The following IL7 variants were observed in gnomAD, a reference collection of about 807,000 sequenced individuals.
IL7 encodes the protein interleukin-7.
IL7 carries 3 observed loss-of-function variants against 21.6 expected under a neutral mutation model. The observed-to-expected ratio is 0.14, with a 90% CI of 0.06 to 0.36. IL7 has a LOEUF of 0.36. Ranked by LOEUF, IL7 falls within the 10% of genes least tolerant of loss-of-function variation. The pLI is 1.00. For synonymous variants in IL7, 62 were observed against 68.1 expected, an observed-to-expected ratio of 0.91 and a Z score of 0.44; for missense variants, 175 against 200.2, an observed-to-expected ratio of 0.87 and a Z score of 0.76.
At chr8:78,690,141 T>C (rs1445105898) in intron 3 of IL7, among the ~76,000 whole-genome samples, 1 of 152,208 alleles carries the variant, frequency 6.6e-6, no homozygotes, top group East Asian at 1.9e-4. Flanking sequence ...GGACATGCTG[T>C]TCTGTTCCAT....
At chr8:78,787,216 C>T (rs1813541963) in intron 2 of IL7, among the ~76,000 whole-genome samples, 1 of 152,090 alleles carries the variant, frequency 6.6e-6, no homozygotes, top group Admixed American at 6.6e-5. Context: ...GCCAGTTGGT[C>T]AGAAGCACAG....
chr8:78,696,224 CG>C (rs1810408330), intron 3 of IL7, among the ~76,000 whole-genome samples: 1 of 152,090 alleles, frequency 6.6e-6, no homozygotes, highest in African/African-American at 2.4e-5. Context: ...TTAGTAGAGA[CG>C]GGGTTTCACT....
At chr8:78,785,139 T>C (rs1277529264) in intron 2 of IL7, among the ~76,000 whole-genome samples, 5 of 152,110 alleles carry the variant, frequency 3.3e-5, no homozygotes, top group Non-Finnish European at 5.9e-5. Context: ...TGAAATTCAG[T>C]CACTTTTCCA....
At chr8:78,683,496 T>G (rs1239899518) in intron 4 of IL7, among the ~76,000 whole-genome samples, 2 of 152,166 alleles carry the variant, frequency 1.3e-5, no homozygotes, top group African/African-American at 2.4e-5. Context: ...CTTTTAGCCA[T>G]GCCTGGAGCA....
chr8:78,787,109 T>A (rs568365986), intron 2 of IL7, among the ~76,000 whole-genome samples: 1 of 152,196 alleles, frequency 6.6e-6, no homozygotes, highest in Admixed American at 6.5e-5. Flanking sequence ...ATATCCTTTA[T>A]AAGAAATGAT....
chr8:78,794,889 C>T (rs1813804584), intron 2 of IL7, among the ~76,000 whole-genome samples: 1 of 152,080 alleles, frequency 6.6e-6, no homozygotes, highest in Non-Finnish European at 1.5e-5. Context: ...ATCATTCTAT[C>T]CACACCCAAA....
At chr8:78,719,408 T>C (rs1807067592) in intron 5 of IL7, 1 of 151,678 alleles carries the variant, frequency 6.6e-6, no homozygotes, top group Non-Finnish European at 1.5e-5. Flanking sequence ...TTATAAACAG[T>C]AGGTGAAATA....
intron 2 of IL7, among the ~76,000 whole-genome samples, chr8:78,750,043 T>A (rs1210810194): frequency 6.6e-6 from 1 of 151,458 alleles, no homozygotes; most frequent in Non-Finnish European, 1.5e-5. Flanking sequence ...AAAAAAAAAA[T>A]ACTAATTTCT....
At chr8:78,748,036 A>C (rs1812042921) in intron 2 of IL7, among the ~76,000 whole-genome samples, 1 of 152,226 alleles carries the variant, frequency 6.6e-6, no homozygotes, top group Non-Finnish European at 1.5e-5. Flanking sequence ...GTATGTGGCT[A>C]GAAAGAAGAG....
intron 2 of IL7, among the ~76,000 whole-genome samples, chr8:78,791,565 G>T (rs979746653): frequency 2.0e-5 from 3 of 152,268 alleles, no homozygotes; most frequent in East Asian, 1.9e-4. Flanking sequence ...GCTTGAACCT[G>T]GGAGGTGGAG....
In IL7 at chr8:78,805,364, GTAAAAGACTTC is replaced by G. The variant is rs1177538788; in HGVS notation, c.-453_-443del. ...CTGGCCTGAATCAAAGCAATTCTGGGTAAAAGACTTCCCAGATGATCTCTCAACGCCTTGGC... is the reference window on the plus strand; with the variant it reads ...CTGGCCTGAATCAAAGCAATTCTGGGCCAGATGATCTCTCAACGCCTTGGC... On this transcript the variant is annotated 5_prime_UTR_variant, in exon 1 of 6. Coordinates refer to ENST00000263851, the MANE Select transcript of IL7 (RefSeq NM_000880.4). 2 of 157,230 alleles carry G rather than the reference GTAAAAGACTTC, an allele frequency of 1.3e-5. No homozygotes were observed. Among genetic ancestry groups the G allele is most frequent in the African/African-American group, 4.8e-5 (2 of 41,604 alleles). The allele number at this position is 157,230 out of a possible 1,614,324, so 9.7% of individuals were successfully genotyped here.
chr8:78,767,937 C>T (rs1425506950), intron 2 of IL7, among the ~76,000 whole-genome samples: 5 of 151,850 alleles, frequency 3.3e-5, no homozygotes, highest in Admixed American at 1.3e-4. Context: ...CACCTCACAA[C>T]AGTCCCCAGA....
At chr8:78,722,235 T>C (rs1294326109) in intron 3 of IL7, among the ~76,000 whole-genome samples, 1 of 151,976 alleles carries the variant, frequency 6.6e-6, no homozygotes, top group Non-Finnish European at 1.5e-5. Context: ...ACTGCCGCCT[T>C]TTACGTTGTT....
chr8:78,795,034 C>A (rs1277495837), intron 2 of IL7, among the ~76,000 whole-genome samples: 1 of 152,000 alleles, frequency 6.6e-6, no homozygotes, highest in African/African-American at 2.4e-5. Flanking sequence ...AGAGCATGGA[C>A]AAAGATTCTG....
chr8:78,717,758 C>A (rs191038691), downstream of IL7: 103 of 240,492 alleles, frequency 4.3e-4, no homozygotes, highest in Non-Finnish European at 6.3e-4. Context: ...TCAAATGGAA[C>A]AATTAATTTA....
Position 78,678,702 on chromosome 8 carries a change from A to G in IL7, n.274-2598T>C, listed in dbSNP as rs775906126. 1.0e-5 allele frequency: 16 copies of G among 1,536,000 alleles called. No individual in the cohort carries two copies. In the South Asian group the frequency reaches 2.0e-4, roughly 19 times the overall value. ...AGGGTAACTATATAACCTTTTGAAC[A>G]GTATGAACTTTGGTGTTATGTATGT... On this transcript the variant is annotated intron_variant and non_coding_transcript_variant, in intron 4 of 4. Transcript: ENST00000523959.
At chr8:78,762,171 A>C (rs1812585219) in intron 2 of IL7, 1 of 1,593,434 alleles carries the variant, frequency 6.3e-7, no homozygotes, top group African/African-American at 1.3e-5. Flanking sequence ...TTAAGATCAA[A>C]TATTGTTGGT....
chr8:78,774,837 GAGTT>G (rs1390404003), intron 2 of IL7, among the ~76,000 whole-genome samples: 1 of 152,048 alleles, frequency 6.6e-6, no homozygotes, highest in Non-Finnish European at 1.5e-5. Context: ...TTATGCAAAA[GAGTT>G]AGAAAACTTG....
intron 3 of IL7, among the ~76,000 whole-genome samples, chr8:78,688,641 A>T (rs1384489675): frequency 6.6e-6 from 1 of 152,110 alleles, no homozygotes; most frequent in Non-Finnish European, 1.5e-5. Flanking sequence ...TTTTGGGAAG[A>T]TATTTTATCT....
Sources: gnomAD v4.1 joint callset for allele counts (sites outside exome capture counted in the v4.1 genomes callset) on GRCh38, gnomAD v4.1.1 for gene constraint, MANE v1.5 for transcripts, NCBI Gene and HGNC (gene_info 2026-07-23, HGNC 2026-07-21) for gene names.